PCDHGA10: variants seen among roughly 807,000 people sequenced by gnomAD.
PCDHGA10 encodes protocadherin gamma-A10.
Under a neutral mutation model 59.5 loss-of-function variants are expected in PCDHGA10, and 42 were observed. That is an observed-to-expected ratio of 0.71 (90% CI 0.55 to 0.91). The LOEUF is 0.91. Ranked by LOEUF, PCDHGA10 falls within the 40% of genes least tolerant of loss-of-function variation. PCDHGA10 has a pLI of 0.00. For synonymous variants in PCDHGA10, 511 were observed against 517.2 expected (o/e 0.99, Z 0.16); for missense variants, 1,111 against 1,198.2 (o/e 0.93, Z 1.07).
chr5:141,421,418 G>C, intron 1 of PCDHGA10: 1 of 1,614,086 alleles, frequency 6.2e-7, no homozygotes, highest in Middle Eastern at 1.7e-4. Context: ...GCGAAGCGCG[G>C]AGTCCGCATC....
At chr5:141,478,215 T>C (rs764444582) in intron 1 of PCDHGA10, 11 of 1,614,118 alleles carry the variant, frequency 6.8e-6, no homozygotes. Context: ...TCTCTAATCC[T>C]GGTTTCTGTG....
intron 1 of PCDHGA10, among the ~76,000 whole-genome samples, chr5:141,435,921 C>T (rs767290430): frequency 1.3e-5 from 2 of 152,186 alleles, no homozygotes; most frequent in Admixed American, 6.5e-5. Context: ...CTCTAAAATG[C>T]GGCAGTTGCT....
chr5:141,470,915 C>A (rs2099244061), intron 1 of PCDHGA10, among the ~76,000 whole-genome samples: 1 of 152,010 alleles, frequency 6.6e-6, no homozygotes, highest in Non-Finnish European at 1.5e-5. Flanking sequence ...GGGACTGTCC[C>A]TATGTTGCTC....
chr5:141,444,589 C>A (rs1198742574), intron 1 of PCDHGA10, among the ~76,000 whole-genome samples: 1 of 152,068 alleles, frequency 6.6e-6, no homozygotes, highest in Non-Finnish European at 1.5e-5. Context: ...TTTCTACTTA[C>A]CTTATTTAAA....
chr5:141,441,918 C>A (rs1183933153), intron 1 of PCDHGA10: 8 of 351,246 alleles, frequency 2.3e-5, no homozygotes, highest in African/African-American at 1.1e-4. Flanking sequence ...ATGTGAGACA[C>A]AATGCGTGGC....
At chr5:141,501,147 G>A (rs1166199034) in intron 2 of PCDHGA10, among the ~76,000 whole-genome samples, 1 of 152,142 alleles carries the variant, frequency 6.6e-6, no homozygotes, top group Non-Finnish European at 1.5e-5. Context: ...GATTACAGGT[G>A]GGAGCCACCA....
chr5:141,485,958 T>C lies in PCDHGA10; in HGVS notation c.2437-8849T>C. On this transcript the variant is annotated intron_variant, in intron 1 of 3. Transcript: ENST00000398610. The surrounding 1 kb of genome is among the most constrained non-coding windows in gnomAD (Gnocchi z 5.7). ...AGCGCACCAGCGGGCATGGTGCTCATCCAGCTCAATGCCTCAGACCCGGAC... is the reference window on the plus strand; with the variant it reads ...AGCGCACCAGCGGGCATGGTGCTCACCCAGCTCAATGCCTCAGACCCGGAC... 1 of 1,614,190 alleles carries C rather than the reference T, an allele frequency of 6.2e-7. No individual in the cohort carries two copies. The highest frequency in any genetic ancestry group is 8.5e-7 in the Non-Finnish European group (1 of 1,180,032).
At position 141,511,345 on chromosome 5, in the gene PCDHGA10, T is replaced by C; in HGVS notation, c.*172T>C. ...AAGTGCCCAGTCAGCACCTACCCCT[T>C]CCCCCCCAGGGGGTTGAATATGCAA... On this transcript the variant is annotated 3_prime_UTR_variant, in exon 4 of 4. Transcript: ENST00000398610. The C allele has an allele frequency of 1.4e-6, 2 of 1,410,502 alleles. No homozygotes were observed. The highest frequency in any genetic ancestry group is 9.4e-7 in the Non-Finnish European group (1 of 1,060,676). 87.4% of individuals were successfully genotyped at this position (1,410,502 alleles called of 1,614,324 possible).
intron 1 of PCDHGA10, chr5:141,424,187 A>C (rs2096804354): frequency 5.3e-6 from 1 of 188,948 alleles, no homozygotes; most frequent in African/African-American, 2.4e-5. Context: ...ACATGCACAC[A>C]CACTTATACA....
At position 141,431,118 on chromosome 5, in the gene PCDHGA10, A is replaced by C; in HGVS notation, c.2436+15507A>C. On this transcript the variant is annotated intron_variant, in intron 1 of 3. Coordinates refer to ENST00000398610, the MANE Select transcript of PCDHGA10 (RefSeq NM_018913.3). The surrounding 1 kb of genome is among the most constrained non-coding windows in gnomAD (Gnocchi z 4.8). ...GATAAAGTGAAAATATATGGAGTAG[A>C]AGTAGAAGTAAGGGACATTAACGAC... 6.2e-7 allele frequency: 1 copy of C among 1,614,182 alleles called. No individual in the cohort carries two copies. Among genetic ancestry groups the C allele is most frequent in the Non-Finnish European group, 8.5e-7 (1 of 1,179,974 alleles).
chr5:141,423,940 G>A (rs937456850), intron 1 of PCDHGA10: 1 of 1,217,098 alleles, frequency 8.2e-7, no homozygotes, highest in Non-Finnish European at 1.0e-6. Flanking sequence ...TTTGAAGTAA[G>A]TTGAATTTTA....
At chr5:141,478,338 C>T in intron 1 of PCDHGA10, 2 of 1,613,936 alleles carry the variant, frequency 1.2e-6, no homozygotes, top group South Asian at 1.1e-5. Flanking sequence ...CCAGGGCCCT[C>T]CTTGCACGCG....
intron 2 of PCDHGA10, among the ~76,000 whole-genome samples, chr5:141,505,050 T>C (rs1190927211): frequency 2.0e-5 from 3 of 152,130 alleles, no homozygotes; most frequent in Non-Finnish European, 4.4e-5. Context: ...TCATCCCAGC[T>C]ACTTGGGAGA....
At position 141,495,662 on chromosome 5, in the gene PCDHGA10, C is replaced by T. The variant is rs545912968; in HGVS notation, c.2495+797C>T. The stretch of plus-strand genomic sequence containing the variant: ...TTTGTCTACTTGCATTGATCTGTGC[C>T]GCCCACTGTGCCTGCCATGGCATAA... On this transcript the variant is annotated intron_variant, in intron 2 of 3. Coordinates refer to ENST00000398610, the MANE Select transcript of PCDHGA10 (RefSeq NM_018913.3). Among the ~76,000 whole-genome samples, 8 of 152,256 alleles carry T rather than the reference C, an allele frequency of 5.3e-5. No individual in the cohort carries two copies. In the South Asian group the frequency reaches 6.2e-4, roughly 12 times the overall value.
At chr5:141,492,384 C>T (rs1001189412) in intron 1 of PCDHGA10, among the ~76,000 whole-genome samples, 1 of 152,230 alleles carries the variant, frequency 6.6e-6, no homozygotes, top group African/African-American at 2.4e-5. Context: ...AGGCCTGTTC[C>T]GGTCCACTCG....
At chr5:141,435,821 T>C (rs571444304) in intron 1 of PCDHGA10, among the ~76,000 whole-genome samples, 72 of 152,240 alleles carry the variant, frequency 4.7e-4, no homozygotes, top group African/African-American at 1.6e-3. Context: ...CTTTCTTCTT[T>C]GTTTGCTGCC....
chr5:141,499,565 C>T (rs1291006795), intron 2 of PCDHGA10, among the ~76,000 whole-genome samples: 1 of 152,168 alleles, frequency 6.6e-6, no homozygotes, highest in East Asian at 1.9e-4. Flanking sequence ...CACTATCCAG[C>T]TTCAACTAAT....
chr5:141,490,640 G>C lies in PCDHGA10; in HGVS notation c.2437-4167G>C, dbSNP rs774630488. 1 of 1,614,122 alleles carries C rather than the reference G, an allele frequency of 6.2e-7. No individual in the cohort carries two copies. The highest frequency in any genetic ancestry group is 8.5e-7 in the Non-Finnish European group (1 of 1,180,012). On this transcript the variant is annotated intron_variant, in intron 1 of 3. Coordinates refer to ENST00000398610, the MANE Select transcript of PCDHGA10 (RefSeq NM_018913.3). This position sits in a 1 kb window ranked among gnomAD's most constrained non-coding sequence, Gnocchi z 5.4. The stretch of plus-strand genomic sequence containing the variant: ...TACACTGCTTACATCCTAGAAAACC[G>C]GCCTCCGGGCTCCCTTCTTTGCACT...
chr5:141,417,613 G>A (rs984573855), intron 1 of PCDHGA10: 2 of 624,312 alleles, frequency 3.2e-6, no homozygotes, highest in African/African-American at 3.7e-5. Flanking sequence ...GTCGGCCAGT[G>A]CAGAGCAAGC....
Sources: gnomAD v4.1 joint callset for allele counts (sites outside exome capture counted in the v4.1 genomes callset) on GRCh38, gnomAD v4.1.1 for gene constraint, Gnocchi (gnomAD v3.1) non-coding constraint, MANE v1.5 for transcripts, NCBI Gene and HGNC (gene_info 2026-07-23, HGNC 2026-07-21) for gene names.